The following ZNF114 variants were observed in gnomAD, a reference collection of about 807,000 sequenced individuals.
The protein encoded by ZNF114 is zinc finger protein 114 (Y18).
ZNF114 carries 8 observed loss-of-function variants against 6.8 expected under a neutral mutation model. The observed-to-expected ratio is 1.18, with a 90% CI of 0.69 to 2.13. The LOEUF (loss-of-function observed/expected upper bound fraction) is 2.13, where lower values mean the gene tolerates loss of function less well. Ranked by LOEUF, ZNF114 falls within the 30% of genes most tolerant of loss-of-function variation. The pLI is 0.00. For missense variants in ZNF114, 472 were observed against 519.5 expected (o/e 0.91, Z 0.89); for synonymous variants, 169 against 185.5 (o/e 0.91, Z 0.72).
At chr19:48,275,618 T>C (rs2147284613) in intron 3 of ZNF114, among the ~76,000 whole-genome samples, 1 of 149,732 alleles carries the variant, frequency 6.7e-6, no homozygotes, top group African/African-American at 2.5e-5. Context: ...TTGAAACATA[T>C]ATAATAACAA....
At chr19:48,283,796 C>T (rs138702872) in intron 5 of ZNF114, among the ~76,000 whole-genome samples, 4,046 of 151,814 alleles carry the variant, frequency 0.027, 164 homozygotes, top group African/African-American at 0.09. Flanking sequence ...TGCAGTGGCG[C>T]GATCTCGGCT....
intron 3 of ZNF114, among the ~76,000 whole-genome samples, chr19:48,277,596 G>A (rs1366292336): frequency 2.6e-5 from 4 of 152,034 alleles, no homozygotes; most frequent in East Asian, 1.9e-4. Flanking sequence ...GTTCAAATCC[G>A]GCCGCTGGGA....
intron 5 of ZNF114, among the ~76,000 whole-genome samples, chr19:48,285,524 C>T (rs984303039): frequency 1.9e-4 from 23 of 118,194 alleles, no homozygotes; most frequent in Admixed American, 7.1e-4. Flanking sequence ...ACAGAGAGAA[C>T]GAGAGAGAGA....
chr19:48,277,794 G>GGGTGTGTGTGTGTGTGTGT lies in ZNF114; in HGVS notation c.-69-1936_-69-1935insGTGTGTGTGTGTGTGTGTG, dbSNP rs1330052475. On this transcript the variant is annotated intron_variant, in intron 3 of 5. Coordinates refer to ENST00000595607, the MANE Select transcript of ZNF114 (RefSeq NM_153608.4). ...GAATAGACTGACCAGGGAGGCATTG[G>GGGTGTGTGTGTGTGTGTGT]GTGTGTGTGTGTGTGTGTGTGTGTG... Among the ~76,000 whole-genome samples, 116 of 119,410 alleles carry GGGTGTGTGTGTGTGTGTGT rather than the reference G, an allele frequency of 9.7e-4. 2 individuals are homozygous for GGGTGTGTGTGTGTGTGTGT. Among genetic ancestry groups the GGGTGTGTGTGTGTGTGTGT allele is most frequent in the African/African-American group, 3.6e-3 (109 of 30,596 alleles). The allele number at this position is 119,410 out of a possible 152,430, so 78.3% of individuals were successfully genotyped here.
chr19:48,282,846 G>A (rs1265628824), intron 5 of ZNF114, among the ~76,000 whole-genome samples: 1 of 151,796 alleles, frequency 6.6e-6, no homozygotes, highest in Non-Finnish European at 1.5e-5. Flanking sequence ...CCTAGTAGCT[G>A]GGAATACAGG....
intron 3 of ZNF114, among the ~76,000 whole-genome samples, chr19:48,276,220 C>T (rs1396561599): frequency 6.6e-6 from 1 of 151,166 alleles, no homozygotes; most frequent in African/African-American, 2.4e-5. Context: ...GCTGGGATTA[C>T]AGGCGTGTGC....
intron 5 of ZNF114, among the ~76,000 whole-genome samples, chr19:48,284,281 G>T (rs565840971): frequency 6.6e-6 from 1 of 152,192 alleles, no homozygotes; most frequent in East Asian, 1.9e-4. Context: ...AGACCTATAG[G>T]CCAGGCACAG....
At chr19:48,283,458 A>C (rs763523778) in intron 5 of ZNF114, among the ~76,000 whole-genome samples, 5 of 152,126 alleles carry the variant, frequency 3.3e-5, no homozygotes, top group Admixed American at 6.6e-5. Flanking sequence ...AACTAGGCAA[A>C]CCCAGTCTGC....
intron 3 of ZNF114, among the ~76,000 whole-genome samples, chr19:48,278,046 T>G (rs1024417365): frequency 6.6e-6 from 1 of 152,116 alleles, no homozygotes; most frequent in African/African-American, 2.4e-5. Flanking sequence ...GTGATTCTCC[T>G]GCCTTCAGCC....
chr19:48,272,513 G>C, intron 3 of ZNF114, among the ~76,000 whole-genome samples: 1 of 149,052 alleles, frequency 6.7e-6, no homozygotes. Flanking sequence ...AGAATCGCTT[G>C]AACCTGGGAG....
rs563879567 is a variant in ZNF114 at position 48,285,266 on chromosome 19, G to A, written c.137-495G>A. On this transcript the variant is annotated intron_variant, in intron 5 of 5. Coordinates refer to ENST00000595607, the MANE Select transcript of ZNF114 (RefSeq NM_153608.4). ...TAATCCCAGCACTTTGGGAGGCTGA[G>A]GCAGGTGGATCACATGAGGCCAGGA... Among the ~76,000 whole-genome samples the A allele has an allele frequency of 7.2e-5, 11 of 152,276 alleles. No individual in the cohort carries two copies. In the South Asian group the frequency reaches 2.3e-3, roughly 32 times the overall value.
intron 3 of ZNF114, among the ~76,000 whole-genome samples, chr19:48,272,113 T>C (rs545525063): frequency 6.9e-4 from 105 of 152,220 alleles, no homozygotes; most frequent in African/African-American, 2.4e-3. Context: ...TTTGCATCCA[T>C]GAAAGTATTG....
chr19:48,280,638 C>T (rs1199960508), intron 4 of ZNF114, among the ~76,000 whole-genome samples: 6 of 151,400 alleles, frequency 4.0e-5, no homozygotes, highest in Admixed American at 1.3e-4. Flanking sequence ...CTGCAACCTC[C>T]GCCTTCCAGG....
intron 3 of ZNF114, among the ~76,000 whole-genome samples, chr19:48,272,700 T>TAAAAAAAAAAAAAAAA (rs1555875993): frequency 8.8e-5 from 7 of 79,368 alleles, no homozygotes; most frequent in African/African-American, 1.7e-4. Context: ...AAAAAAAAAG[T>TAAAAAAAAAAAAAAAA]ATTGGATTGG....
At chr19:48,277,912 A>G (rs1009750006) in intron 3 of ZNF114, among the ~76,000 whole-genome samples, 15 of 151,526 alleles carry the variant, frequency 9.9e-5, no homozygotes, top group Non-Finnish European at 2.1e-4. Flanking sequence ...TCCCAGTAAC[A>G]TGAACACTTT....
intron 3 of ZNF114, among the ~76,000 whole-genome samples, chr19:48,278,545 C>G (rs967133359): frequency 1.3e-5 from 2 of 152,130 alleles, no homozygotes; most frequent in Admixed American, 6.6e-5. Flanking sequence ...GTGCCTCAGT[C>G]CGTTTTATGG....
At chr19:48,273,890 T>C (rs936779058) in intron 3 of ZNF114, among the ~76,000 whole-genome samples, 2 of 151,460 alleles carry the variant, frequency 1.3e-5, no homozygotes, top group African/African-American at 4.9e-5. Context: ...CCCGAGTAGC[T>C]GGGACTACAG....
rs1486861556 is a variant in ZNF114 at position 48,286,113 on chromosome 19, CTT to C, written c.490_491del (p.Leu164LysfsTer3). 4.3e-6 allele frequency: 7 copies of C among 1,614,010 alleles called. No homozygotes were observed. On this transcript the variant is annotated frameshift_variant, in exon 6 of 6. Coordinates refer to ENST00000595607, the MANE Select transcript of ZNF114 (RefSeq NM_153608.4). LOFTEE classifies it low-confidence loss of function (END_TRUNC). ...DSSIFKYNPVLNDSQKTHENN... is the reference protein window; with the variant it reads ...DSSIFKYNPVXNDSQKTHENN... Reference sequence around the variant, plus strand: ...CAAGTATTTTCAAGTATAATCCTGTCTTAAACGATAGTCAAAAAACACATGAA... The same window carrying C: ...CAAGTATTTTCAAGTATAATCCTGTCAAACGATAGTCAAAAAACACATGAA...
At chr19:48,275,257 AAGAG>A (rs796274207) in intron 3 of ZNF114, among the ~76,000 whole-genome samples, 2 of 138,148 alleles carry the variant, frequency 1.4e-5, no homozygotes, top group African/African-American at 5.4e-5. Flanking sequence ...GGGAGGGAAA[AAGAG>A]AGAGGAAGGG....
Sources: gnomAD v4.1 joint callset for allele counts (sites outside exome capture counted in the v4.1 genomes callset) on GRCh38, gnomAD v4.1.1 for gene constraint, MANE v1.5 for transcripts, NCBI Gene and HGNC (gene_info 2026-07-23, HGNC 2026-07-21) for gene names.